The following EXOSC10 variants were observed in gnomAD, a reference collection of about 807,000 sequenced individuals.
The protein encoded by EXOSC10 is exosome complex component 10.
A neutral mutation model predicts 126.6 loss-of-function variants in EXOSC10; 94 were observed. The ratio of observed to expected loss-of-function variants is 0.74; its 90% CI spans 0.63 to 0.88. EXOSC10 has a LOEUF of 0.88. Ranked by LOEUF, EXOSC10 falls within the 40% of genes least tolerant of loss-of-function variation. The probability of loss-of-function intolerance (pLI) is 0.00; values close to 1 mark genes in which losing one functional copy is unlikely to be tolerated. For missense variants in EXOSC10, 1,041 were observed against 1,100.5 expected (o/e 0.95, Z 0.77); for synonymous variants, 395 against 400.8 (o/e 0.99, Z 0.17).
chr1:11,097,903 T>C, intron 2 of EXOSC10, 117 bp downstream of exon 2: 1 of 1,041,262 alleles, frequency 9.6e-7, no homozygotes, highest in Non-Finnish European at 1.3e-6. Context: ...TTTCACATTT[T>C]ATAGCTCTTC....
intron 21 of EXOSC10, among the ~76,000 whole-genome samples, chr1:11,070,172 G>C (rs887787289): frequency 2.0e-5 from 3 of 150,962 alleles, no homozygotes; most frequent in Non-Finnish European, 4.4e-5. Context: ...AGGAGTACAA[G>C]GCTGCAATGA....
intron 21 of EXOSC10, 92 bp from the exon 22 acceptor site, chr1:11,069,822 C>A: frequency 7.4e-7 from 1 of 1,359,590 alleles, no homozygotes; most frequent in African/African-American, 1.5e-5. Flanking sequence ...GACCCAGCTG[C>A]CTAAGTGGTA....
chr1:11,091,130 T>TGA lies in EXOSC10; in HGVS notation c.525_526dup (p.His176LeufsTer88). On this transcript the variant is annotated frameshift_variant, in exon 5 of 25. Coordinates refer to ENST00000376936, the MANE Select transcript of EXOSC10 (RefSeq NM_001001998.3). LOFTEE classifies it high-confidence loss of function. Reference sequence around the variant, plus strand: ...CTGAGGTCGGATGATATTTTTTGCATGAAGCAGCCGGAAAGTTTCAGATTT... The same window carrying TGA: ...CTGAGGTCGGATGATATTTTTTGCATGAGAAGCAGCCGGAAAGTTTCAGATTT... The TGA allele has an allele frequency of 1.2e-6, 2 of 1,614,224 alleles. No homozygotes were observed. The highest frequency in any genetic ancestry group is 1.7e-6 in the Non-Finnish European group (2 of 1,180,028).
Position 11,074,625 on chromosome 1 carries a change from C to A in EXOSC10, c.1987-299G>T, listed in dbSNP as rs562297501. On this transcript the variant is annotated intron_variant, in intron 17 of 24. Coordinates refer to ENST00000376936, the MANE Select transcript of EXOSC10 (RefSeq NM_001001998.3). ...ACCAGGTTTCACCATATTGGCCAGG[C>A]TGGTCTTGAACTCCTGACCTCAAGT... Among the ~76,000 whole-genome samples the A allele has an allele frequency of 2.6e-5, 4 of 152,264 alleles. No individual in the cohort carries two copies. In the East Asian group the frequency reaches 7.7e-4, roughly 29 times the overall value.
At chr1:11,078,795 C>T (rs1444277990) in intron 14 of EXOSC10, among the ~76,000 whole-genome samples, 1 of 152,194 alleles carries the variant, frequency 6.6e-6, no homozygotes, top group Non-Finnish European at 1.5e-5. Context: ...CACTCCACCA[C>T]ATTAACTGCC....
In EXOSC10 at chr1:11,082,759, G is replaced by T. The variant is rs549732882; in HGVS notation, c.1209C>A (p.Leu403=). ...TGCAGTAGAGTTTCAGGAGATGATC[G>T]AGTGAGTGCCTGCCCAGGTTAAGAA... is the stretch of plus-strand genomic sequence containing the variant. ...ARLLNLGRHS[L]DHLLKLYCNV... is the part of the protein sequence containing the mutation. Residue 403 remains leucine, a synonymous_variant, in exon 10 of 25, where the codon CTC becomes CTA. Transcript: ENST00000376936. 8 of 1,614,028 alleles carry T rather than the reference G, an allele frequency of 5.0e-6. No individual in the cohort carries two copies. The highest frequency in any genetic ancestry group is 2.2e-5 in the South Asian group (2 of 91,076).
intron 4 of EXOSC10, 47 bp from the exon 5 acceptor site, chr1:11,091,226 A>G (rs769574645): frequency 6.5e-7 from 1 of 1,540,960 alleles, no homozygotes; most frequent in Admixed American, 1.9e-5. Flanking sequence ...AACTTGATGA[A>G]TTAGAAAAGT....
At chr1:11,069,810 G>A (rs2100944275) in intron 21 of EXOSC10, 80 bp from the exon 22 acceptor site, 1 of 1,479,958 alleles carries the variant, frequency 6.8e-7, no homozygotes, top group Non-Finnish European at 9.2e-7. Flanking sequence ...AGCAATAGCT[G>A]GGACCCAGCT....
In EXOSC10 at chr1:11,093,708, G is replaced by A. The variant is rs142191309; in HGVS notation, c.372+2050C>T. Among the ~76,000 whole-genome samples the A allele has an allele frequency of 8.0e-3, 1,224 of 152,138 alleles. 24 individuals carry two copies. The highest frequency in any genetic ancestry group is 0.028 in the African/African-American group (1,149 of 41,484). ...GGGGGTTCAGTAGATTTTGAGTAAC[G>A]GTACAAATAAACTAAATTTTGGTTG... On this transcript the variant is annotated intron_variant, in intron 3 of 24. Coordinates refer to ENST00000376936, the MANE Select transcript of EXOSC10 (RefSeq NM_001001998.3).
At chr1:11,080,074 T>C (rs3765902) in intron 13 of EXOSC10, among the ~76,000 whole-genome samples, 11,020 of 152,268 alleles carry the variant, frequency 0.072, 620 homozygotes, top group East Asian at 0.15. Flanking sequence ...GTAAGTGCCA[T>C]AGCACTGTGG....
At chr1:11,071,161 C>T (rs983837047) in intron 20 of EXOSC10, 188 bp from the exon 21 acceptor site, 2 of 586,978 alleles carry the variant, frequency 3.4e-6, no homozygotes, top group Non-Finnish European at 3.0e-6. Context: ...GTGCTCTGCC[C>T]ACCTTCAGCT....
At chr1:11,091,291 CAT>C in intron 4 of EXOSC10, 112 bp from the exon 5 acceptor site, 1 of 1,127,770 alleles carries the variant, frequency 8.9e-7, no homozygotes, top group Non-Finnish European at 1.3e-6. Context: ...GTCATTCATT[CAT>C]TTAAGAATGT....
In EXOSC10 at chr1:11,069,610, T is replaced by C. The variant is rs1482310330; in HGVS notation, c.2437A>G (p.Lys813Glu). The C allele has an allele frequency of 6.2e-7, 1 of 1,614,190 alleles. No individual in the cohort carries two copies. The highest frequency in any genetic ancestry group is 1.7e-5 in the Admixed American group (1 of 60,014). Residue 813 changes from lysine to glutamate, a missense_variant, in exon 22 of 25, where the codon AAA (lysine) becomes GAA (glutamate). This residue lies in a region of EXOSC10 where 388 missense variants were observed against 415.2 expected (regional missense o/e 0.93). Transcript: ENST00000376936. ...CTGTAGTCGTAAGGCGTAAACTCTT[T>C]TTCTGGTGGCTCTGGGTCCTTTGGC... ...KKPKDPEPPE[K>E]EFTPYDYSQS...
At chr1:11,068,757 C>T (rs1302197086) in intron 22 of EXOSC10, 51 bp from the exon 23 acceptor site, 3 of 1,431,378 alleles carry the variant, frequency 2.1e-6, no homozygotes, top group African/African-American at 1.4e-5. Context: ...TGAGTTACCA[C>T]ACATCACAGG....
intron 3 of EXOSC10, among the ~76,000 whole-genome samples, chr1:11,093,342 T>C (rs1242414801): frequency 6.6e-6 from 1 of 152,228 alleles, no homozygotes; most frequent in Non-Finnish European, 1.5e-5. Context: ...CAGGGAGTCC[T>C]CATCTATTTT....
In EXOSC10 at chr1:11,074,005, G is replaced by C. The variant is rs768443779; in HGVS notation, c.2086C>G (p.Leu696Val). 1.2e-6 allele frequency: 2 copies of C among 1,613,834 alleles called. No individual in the cohort carries two copies. Among genetic ancestry groups the C allele is most frequent in the Non-Finnish European group, 1.7e-6 (2 of 1,179,920 alleles). The change falls in exon 19 of 25, where the codon CTG becomes GTG. Residue 696 changes from leucine to valine, a missense_variant. Leu to Val is a conservative substitution (Grantham distance 32, BLOSUM62 1). Coordinates refer to ENST00000376936, the MANE Select transcript of EXOSC10 (RefSeq NM_001001998.3). ...ESFENPFRMF[L>V]PSLGHRAPVS... ...GGAGCACGGTGTCCCAGTGAGGGCA[G>C]AAACTGGAGGAAGGAAATGGCTGTG... is the stretch of plus-strand genomic sequence containing the variant.
chr1:11,081,092 A>G lies in EXOSC10; in HGVS notation c.1427T>C (p.Ile476Thr). The G allele has an allele frequency of 6.2e-7, 1 of 1,614,148 alleles. No homozygotes were observed. The highest frequency in any genetic ancestry group is 1.7e-5 in the Admixed American group (1 of 60,016). ...GCGGCTGAGGTGTACCTTGAGGCAG[A>G]TGTCCCTGCTCCGTTGCCACACCAC... ...LQVVWQRSRD[I>T]CLKKFIKPIF... is the part of the protein sequence containing the mutation. The change falls in exon 11 of 25, where the codon ATC becomes ACC. Residue 476 changes from isoleucine to threonine, a missense_variant. This residue lies in a region of EXOSC10 where 645 missense variants were observed against 656.3 expected (regional missense o/e 0.98). Coordinates refer to ENST00000376936, the MANE Select transcript of EXOSC10 (RefSeq NM_001001998.3).
Position 11,073,877 on chromosome 1 carries a change from C to CAAAA in EXOSC10, c.2157+53_2157+56dup, listed in dbSNP as rs770965502. ...TGGGTGACAAAGCGAGACTCCATCT[C>CAAAA]AAAAAAAAAAAAAAAAAAAAAAAGT... On this transcript the variant is annotated intron_variant, in intron 19 of 24. Transcript: ENST00000376936. 616 of 537,590 alleles carry CAAAA rather than the reference C, an allele frequency of 1.1e-3. 24 individuals carry two copies. The highest frequency in any genetic ancestry group is 2.9e-3 in the Admixed American group (59 of 20,370). 33.3% of individuals were successfully genotyped at this position (537,590 alleles called of 1,614,324 possible).
In EXOSC10 at chr1:11,090,628, A is replaced by T; in HGVS notation, c.684T>A (p.Pro228=). The part of the protein sequence containing the change: ...KERRERPQDR[P]EDLDVPPALA... ...GTGCAGGGGGGACGTCCAAGTCCTC[A>T]GGACGATCCTGTGGGCGTTCCCGCC... Residue 228 remains proline, a synonymous_variant, in exon 6 of 25, where the codon CCT becomes CCA. Coordinates refer to ENST00000376936, the MANE Select transcript of EXOSC10 (RefSeq NM_001001998.3). The T allele has an allele frequency of 6.2e-7, 1 of 1,613,602 alleles. No homozygotes were observed. Among genetic ancestry groups the T allele is most frequent in the Admixed American group, 1.7e-5 (1 of 59,882 alleles).
Sources: gnomAD v4.1 joint callset for allele counts (sites outside exome capture counted in the v4.1 genomes callset) on GRCh38, gnomAD v4.1.1 for gene constraint, gnomAD v4.1.1 regional missense constraint, MANE v1.5 for transcripts, NCBI Gene and HGNC (gene_info 2026-07-23, HGNC 2026-07-21) for gene names.